STOX2: variants seen among roughly 807,000 people sequenced by gnomAD.
STOX2 encodes the protein storkhead box 2, also known as storkhead-box protein 2.
STOX2 carries 28 observed loss-of-function variants against 60.9 expected under a neutral mutation model. That is an observed-to-expected ratio of 0.46 (90% CI 0.34 to 0.63). The LOEUF (loss-of-function observed/expected upper bound fraction) is 0.63. Among genes scored for constraint, STOX2 ranks in the 30% least tolerant of loss-of-function variants. STOX2 has a pLI of 0.01. For synonymous variants in STOX2, 472 were observed against 463.9 expected, an observed-to-expected ratio of 1.02 and a Z score of -0.22; for missense variants, 1,024 against 1,187.7, an observed-to-expected ratio of 0.86 and a Z score of 2.03.
At chr4:183,868,879 T>C (rs1277863474) in intron 1 of STOX2, among the ~76,000 whole-genome samples, 2 of 152,178 alleles carry the variant, frequency 1.3e-5, no homozygotes, top group African/African-American at 4.8e-5. Flanking sequence ...AAAGGGTAAG[T>C]CACTCCCCAC....
chr4:183,861,401 G>A (rs1418554750), intron 1 of STOX2, among the ~76,000 whole-genome samples: 3 of 152,178 alleles, frequency 2.0e-5, no homozygotes, highest in South Asian at 2.1e-4. Flanking sequence ...GCACTGTAAT[G>A]TTCATAGATA....
In STOX2 at chr4:183,825,557, G is replaced by T. The variant is rs1739407072; in HGVS notation, c.364+27502G>T. Among the ~76,000 whole-genome samples the T allele has an allele frequency of 6.6e-6, 1 of 152,212 alleles. No individual in the cohort carries two copies. The highest frequency in any genetic ancestry group is 2.1e-4 in the South Asian group (1 of 4,832). On this transcript the variant is annotated intron_variant, in intron 1 of 2. Coordinates refer to the STOX2 transcript ENST00000513034. The surrounding 1 kb of genome is among the most constrained non-coding windows in gnomAD (Gnocchi z 4.1). ...GCAGCCACCCTCGCTGTAGGTGTGT[G>T]TGTCCGTGCCTCTGTCCTGCCAACG...
chr4:183,826,148 C>T (rs1052012415), intron 1 of STOX2, among the ~76,000 whole-genome samples: 1 of 152,100 alleles, frequency 6.6e-6, no homozygotes, highest in African/African-American at 2.4e-5. Flanking sequence ...GTTTTCATTT[C>T]GCTCCTCAGA....
At chr4:183,954,279 T>TG (rs1743180634) in intron 1 of STOX2, among the ~76,000 whole-genome samples, 5 of 148,722 alleles carry the variant, frequency 3.4e-5, no homozygotes, top group Admixed American at 2.0e-4. Context: ...AGGGTTTTTT[T>TG]GTTTTTTGTT....
At chr4:183,921,453 A>G (rs908502088) in intron 1 of STOX2, among the ~76,000 whole-genome samples, 8 of 152,212 alleles carry the variant, frequency 5.3e-5, no homozygotes, top group African/African-American at 1.7e-4. Flanking sequence ...ACAAAAAAAA[A>G]GTGTCCTGTG....
intron 1 of STOX2, among the ~76,000 whole-genome samples, chr4:183,857,383 C>G (rs1182366925): frequency 1.3e-5 from 2 of 151,350 alleles, no homozygotes; most frequent in African/African-American, 4.9e-5. Flanking sequence ...ACTGGTTATC[C>G]CGCAGGACTG....
chr4:183,959,322 T>A (rs576310619), intron 1 of STOX2, among the ~76,000 whole-genome samples: 2 of 152,206 alleles, frequency 1.3e-5, no homozygotes, highest in African/African-American at 4.8e-5. Context: ...AAGGTCTAAC[T>A]CAGGGCGGAA....
At chr4:183,835,668 A>G (rs956044711) in intron 1 of STOX2, among the ~76,000 whole-genome samples, 1 of 152,176 alleles carries the variant, frequency 6.6e-6, no homozygotes, top group African/African-American at 2.4e-5. Flanking sequence ...TACAATAGAA[A>G]GAACACTAGA....
intron 1 of STOX2, among the ~76,000 whole-genome samples, chr4:183,954,621 C>T (rs898597491): frequency 5.3e-5 from 8 of 151,798 alleles, no homozygotes; most frequent in African/African-American, 1.9e-4. Flanking sequence ...TTTACTTTTA[C>T]AAAGGTAATT....
intron 1 of STOX2, among the ~76,000 whole-genome samples, chr4:183,916,661 A>C (rs1741939348): frequency 6.6e-6 from 1 of 152,206 alleles, no homozygotes; most frequent in African/African-American, 2.4e-5. Flanking sequence ...ATGGGTATAA[A>C]ACTGTAGAAT....
intron 1 of STOX2, among the ~76,000 whole-genome samples, chr4:183,840,642 A>G (rs1032159729): frequency 3.3e-5 from 5 of 152,206 alleles, no homozygotes; most frequent in African/African-American, 7.2e-5. Flanking sequence ...AAATCCTTGT[A>G]GGATAATTAT....
intron 1 of STOX2, among the ~76,000 whole-genome samples, chr4:183,992,292 C>T (rs1733146486): frequency 6.6e-6 from 1 of 151,654 alleles, no homozygotes; most frequent in African/African-American, 2.4e-5. Flanking sequence ...AAATCAGTCC[C>T]ACTACAGTTG....
chr4:183,944,679 AC>A (rs2111134089), intron 1 of STOX2, among the ~76,000 whole-genome samples: 1 of 152,350 alleles, frequency 6.6e-6, no homozygotes, highest in African/African-American at 2.4e-5. Context: ...ACACCACTGC[AC>A]CCCAGCCTAG....
At chr4:183,913,858 A>G (rs1741856199) in intron 1 of STOX2, among the ~76,000 whole-genome samples, 1 of 152,188 alleles carries the variant, frequency 6.6e-6, no homozygotes, top group Admixed American at 6.5e-5. Flanking sequence ...CACCACCCTC[A>G]AGATTTTAAA....
At position 183,802,692 on chromosome 4, in the gene STOX2, G is replaced by A. The variant is rs574935006; in HGVS notation, c.364+4637G>A. ...GCGATCTCGGCTCATTGCAAGCTCCGCCTCCCGGGTTCACGCCATTCTCCT... is the reference window on the plus strand; with the variant it reads ...GCGATCTCGGCTCATTGCAAGCTCCACCTCCCGGGTTCACGCCATTCTCCT... On this transcript the variant is annotated intron_variant, in intron 1 of 2. Transcript: ENST00000513034. Among the ~76,000 whole-genome samples the A allele has an allele frequency of 9.2e-5, 14 of 151,382 alleles. No homozygotes were observed. In the East Asian group the frequency reaches 2.3e-3, roughly 25 times the overall value.
Position 184,023,006 on chromosome 4 carries a change from A to T in STOX2, c.*5722A>T. The T allele has an allele frequency of 6.6e-6, 1 of 152,238 alleles. No individual in the cohort carries two copies. The highest frequency in any genetic ancestry group is 1.5e-5 in the Non-Finnish European group (1 of 68,038). 9.4% of individuals were successfully genotyped at this position (152,238 alleles called of 1,614,324 possible). A position where few individuals can be genotyped will look rare whatever the true frequency, so the allele number is the denominator to read the frequency against. On this transcript the variant is annotated 3_prime_UTR_variant, in exon 4 of 4. Coordinates refer to ENST00000308497, the MANE Select transcript of STOX2 (RefSeq NM_020225.3). Reference sequence around the variant, plus strand: ...AAATTTAAACGTCAAGTTTAAAGGGATCATAATTCTGCAGGTATCTTTCTC... The same window carrying T: ...AAATTTAAACGTCAAGTTTAAAGGGTTCATAATTCTGCAGGTATCTTTCTC...
At chr4:183,907,493 G>A (rs1386966175) in intron 1 of STOX2, among the ~76,000 whole-genome samples, 1 of 152,192 alleles carries the variant, frequency 6.6e-6, no homozygotes, top group East Asian at 1.9e-4. Context: ...TGGGGGTAAT[G>A]GTGTGGATGC....
At chr4:183,916,448 C>G (rs1201466606) in intron 1 of STOX2, among the ~76,000 whole-genome samples, 2 of 152,194 alleles carry the variant, frequency 1.3e-5, no homozygotes, top group Admixed American at 6.5e-5. Context: ...CTTATTTTCT[C>G]AGGACCTCGG....
intron 1 of STOX2, among the ~76,000 whole-genome samples, chr4:183,842,265 C>A (rs1006326303): frequency 6.6e-6 from 1 of 152,116 alleles, no homozygotes; most frequent in Non-Finnish European, 1.5e-5. Context: ...TTTACTAGTT[C>A]CATACGACGT....
Sources: gnomAD v4.1 joint callset for allele counts (sites outside exome capture counted in the v4.1 genomes callset) on GRCh38, gnomAD v4.1.1 for gene constraint, Gnocchi (gnomAD v3.1) non-coding constraint, MANE v1.5 for transcripts, NCBI Gene and HGNC (gene_info 2026-07-23, HGNC 2026-07-21) for gene names.